CSMD1: variants seen among roughly 807,000 people sequenced by gnomAD.
CSMD1 encodes CUB and Sushi multiple domains 1.
CSMD1 carries 213 observed loss-of-function variants against 417.5 expected under a neutral mutation model. The ratio of observed to expected loss-of-function variants is 0.51; its 90% CI spans 0.46 to 0.57. The LOEUF (loss-of-function observed/expected upper bound fraction) is 0.57, where lower values mean the gene tolerates loss of function less well. Ranked by LOEUF, CSMD1 falls within the 20% of genes least tolerant of loss-of-function variation. The probability of loss-of-function intolerance (pLI) is 0.00; values close to 1 mark genes in which losing one functional copy is unlikely to be tolerated. For synonymous variants in CSMD1, 2,862 were observed against 1,736.8 expected, an observed-to-expected ratio of 1.65 and a Z score of -16.11; for missense variants, 6,923 against 4,529.7, an observed-to-expected ratio of 1.53 and a Z score of -15.17.
intron 3 of CSMD1, among the ~76,000 whole-genome samples, chr8:4,078,632 T>C (rs1216735091): frequency 6.6e-6 from 1 of 151,522 alleles, no homozygotes; most frequent in Non-Finnish European, 1.5e-5. Flanking sequence ...AGTTTTTCTG[T>C]ATTTCACATG....
intron 7 of CSMD1, among the ~76,000 whole-genome samples, chr8:3,629,523 A>T (rs1352764279): frequency 6.6e-6 from 1 of 152,208 alleles, no homozygotes; most frequent in Admixed American, 6.5e-5. Context: ...CGTTACAGCA[A>T]ATATCAGCTC....
intron 1 of CSMD1, among the ~76,000 whole-genome samples, chr8:4,976,828 T>C (rs1445991757): frequency 6.6e-6 from 1 of 152,196 alleles, no homozygotes; most frequent in Non-Finnish European, 1.5e-5. Context: ...AAATATTCAT[T>C]TAAGTAAGTG....
intron 1 of CSMD1, among the ~76,000 whole-genome samples, chr8:4,981,278 T>A (rs1208882558): frequency 6.6e-6 from 1 of 152,218 alleles, no homozygotes; most frequent in Non-Finnish European, 1.5e-5. Context: ...TCTGTCCAAC[T>A]TTTCAGTATG....
Position 3,670,297 on chromosome 8 carries a change from C to T in CSMD1, c.1009+38117G>A, listed in dbSNP as rs138173197. On this transcript the variant is annotated intron_variant, in intron 7 of 69. Coordinates refer to ENST00000635120, the MANE Select transcript of CSMD1 (RefSeq NM_033225.6). ...TCCCAGCCTACATCCTTCTCCTGTG[C>T]CGGATGCTTCCTGCCCTCCAGCATC... is the stretch of plus-strand genomic sequence containing the variant. Among the ~76,000 whole-genome samples, 41 of 151,998 alleles carry T rather than the reference C, an allele frequency of 2.7e-4. No homozygotes were observed. In the East Asian group the frequency reaches 7.4e-3, roughly 27 times the overall value.
In CSMD1 at chr8:4,448,206, C is replaced by T. The variant is rs56195921; in HGVS notation, c.303-28141G>A. On this transcript the variant is annotated intron_variant, in intron 2 of 69. Coordinates refer to ENST00000635120, the MANE Select transcript of CSMD1 (RefSeq NM_033225.6). Reference sequence around the variant, plus strand: ...GTCTATTTTTAAAAGTTTTTTAACACTGAAAATATTTTTCATCTTTATTCA... The same window carrying T: ...GTCTATTTTTAAAAGTTTTTTAACATTGAAAATATTTTTCATCTTTATTCA... Among the ~76,000 whole-genome samples the T allele has an allele frequency of 6.8e-3, 1,034 of 152,276 alleles. 15 individuals are homozygous for T. Among genetic ancestry groups the T allele is most frequent in the African/African-American group, 0.024 (986 of 41,564 alleles).
intron 50 of CSMD1, among the ~76,000 whole-genome samples, chr8:3,045,563 G>C (rs1015013723): frequency 6.6e-6 from 1 of 152,094 alleles, no homozygotes; most frequent in Non-Finnish European, 1.5e-5. Context: ...AAAGCCACTG[G>C]TCTATTACCT....
intron 1 of CSMD1, among the ~76,000 whole-genome samples, chr8:4,772,158 A>G (rs1796632978): frequency 6.6e-6 from 1 of 151,958 alleles, no homozygotes; most frequent in Non-Finnish European, 1.5e-5. Flanking sequence ...TTGTGGTGGT[A>G]GGGATGAAGT....
intron 26 of CSMD1, among the ~76,000 whole-genome samples, chr8:3,269,102 A>T (rs1040544544): frequency 6.6e-6 from 1 of 152,246 alleles, no homozygotes; most frequent in Admixed American, 6.5e-5. Flanking sequence ...CCAGTATACA[A>T]GACTTAGAAC....
At position 3,225,500 on chromosome 8, in the gene CSMD1, G is replaced by A. The variant is rs184192163; in HGVS notation, c.4346-1633C>T. 2.8e-3 allele frequency among the ~76,000 whole-genome samples: 419 copies of A among 152,166 alleles called. 1 individual carries two copies. The highest frequency in any genetic ancestry group is 4.9e-3 in the Non-Finnish European group (334 of 68,028). On this transcript the variant is annotated intron_variant, in intron 27 of 69. Coordinates refer to ENST00000635120, the MANE Select transcript of CSMD1 (RefSeq NM_033225.6). ...CCGGGGCTGCTGACAGCATCGAGCA[G>A]TACAAGCGTGGACCGATCAGGGAGC...
At chr8:2,996,555 C>G (rs1806913980) in intron 54 of CSMD1, among the ~76,000 whole-genome samples, 1 of 152,184 alleles carries the variant, frequency 6.6e-6, no homozygotes, top group Non-Finnish European at 1.5e-5. Flanking sequence ...GTATGGAGTC[C>G]TGCGGCCTCC....
Position 3,587,715 on chromosome 8 carries a change from T to C in CSMD1, c.1098-1455A>G, listed in dbSNP as rs190990728. Reference sequence around the variant, plus strand: ...TTCTAGGTAAACAAAATTAAACACATTTCTTTTCTAAAGGGGCATCTCATC... The same window carrying C: ...TTCTAGGTAAACAAAATTAAACACACTTCTTTTCTAAAGGGGCATCTCATC... On this transcript the variant is annotated intron_variant, in intron 8 of 69. Transcript: ENST00000635120. Among the ~76,000 whole-genome samples, 7 of 152,290 alleles carry C rather than the reference T, an allele frequency of 4.6e-5. 1 individual carries two copies. The East Asian group carries it at 1.4e-3, about 29-fold the overall frequency.
chr8:3,374,815 T>C (rs1214812146), intron 18 of CSMD1, among the ~76,000 whole-genome samples: 3 of 152,110 alleles, frequency 2.0e-5, no homozygotes, highest in Admixed American at 6.6e-5. Flanking sequence ...TAGTTATTTA[T>C]TGTCTTCCCA....
intron 40 of CSMD1, among the ~76,000 whole-genome samples, chr8:3,150,606 T>C (rs189582629): frequency 1.8e-4 from 28 of 152,300 alleles, no homozygotes; most frequent in African/African-American, 6.7e-4. Flanking sequence ...TCATTCATCA[T>C]TCAGCTACTA....
intron 48 of CSMD1, among the ~76,000 whole-genome samples, chr8:3,089,639 T>C (rs1250058365): frequency 2.6e-5 from 4 of 152,212 alleles, no homozygotes; most frequent in African/African-American, 9.6e-5. Flanking sequence ...CAAAAATTAC[T>C]GATGCTGACC....
At chr8:4,980,020 G>A (rs527702187) in intron 1 of CSMD1, among the ~76,000 whole-genome samples, 44 of 152,262 alleles carry the variant, frequency 2.9e-4, no homozygotes, top group African/African-American at 1.0e-3. Flanking sequence ...CTGGGCGACA[G>A]AGTGAGACTC....
rs192239411 is a variant in CSMD1 at position 4,401,946 on chromosome 8, G to T, written c.415+18007C>A. On this transcript the variant is annotated intron_variant, in intron 3 of 69. Coordinates refer to ENST00000635120, the MANE Select transcript of CSMD1 (RefSeq NM_033225.6). The stretch of plus-strand genomic sequence containing the variant: ...GCCATCCATCCCACCCTGCTCTCCC[G>T]TGCATTTGATACACTGGCTCCTTGA... Among the ~76,000 whole-genome samples, 7 of 152,040 alleles carry T rather than the reference G, an allele frequency of 4.6e-5. No homozygotes were observed. In the East Asian group the frequency reaches 1.4e-3, roughly 29 times the overall value.
rs373125954 is a variant in CSMD1 at position 3,508,683 on chromosome 8, T to C, written c.1345-14957A>G. ...TATTGTACTTCCAGCTTATCTATTATGGAAAATTTTCTGCGAGTTTTATGT... is the reference window on the plus strand; with the variant it reads ...TATTGTACTTCCAGCTTATCTATTACGGAAAATTTTCTGCGAGTTTTATGT... On this transcript the variant is annotated intron_variant, in intron 10 of 69. Coordinates refer to ENST00000635120, the MANE Select transcript of CSMD1 (RefSeq NM_033225.6). Among the ~76,000 whole-genome samples the C allele has an allele frequency of 4.7e-4, 72 of 152,326 alleles. 2 individuals are homozygous for C. The East Asian group carries it at 9.3e-3, about 20-fold the overall frequency.
chr8:4,709,556 C>T (rs1015936125), intron 1 of CSMD1, among the ~76,000 whole-genome samples: 2 of 152,184 alleles, frequency 1.3e-5, no homozygotes, highest in Non-Finnish European at 2.9e-5. Context: ...GAGCCTCTGT[C>T]GTTGCTCACC....
chr8:4,683,246 C>T (rs1031143185), intron 1 of CSMD1, among the ~76,000 whole-genome samples: 5 of 151,792 alleles, frequency 3.3e-5, no homozygotes, highest in Admixed American at 1.3e-4. Flanking sequence ...TCTCAATTTC[C>T]TTTTCAGAAA....
Sources: allele counts gnomAD v4.1 joint callset (sites outside exome capture counted in the v4.1 genomes callset), GRCh38; gene constraint gnomAD v4.1.1; transcripts MANE v1.5; gene names NCBI Gene and HGNC (gene_info 2026-07-23, HGNC 2026-07-21).